Variants in RFX3 observed in about 807,000 individuals in gnomAD.
RFX3 encodes the protein regulatory factor X3.
RFX3 carries 14 observed loss-of-function variants against 98.6 expected under a neutral mutation model. The observed-to-expected ratio is 0.14, with a 90% CI of 0.09 to 0.22. The LOEUF (loss-of-function observed/expected upper bound fraction) is 0.22, where lower values mean the gene tolerates loss of function less well. RFX3 is among the 10% of genes least tolerant of loss of function. The pLI is 1.00. For synonymous variants in RFX3, 383 were observed against 328.4 expected, an observed-to-expected ratio of 1.17 and a Z score of -1.80; for missense variants, 639 against 926.9, an observed-to-expected ratio of 0.69 and a Z score of 4.03.
intron 2 of RFX3, among the ~76,000 whole-genome samples, chr9:3,376,180 C>T (rs1420921448): frequency 6.6e-6 from 1 of 152,038 alleles, no homozygotes; most frequent in Non-Finnish European, 1.5e-5. Flanking sequence ...AAAATATTGG[C>T]AATACCAAGT....
chr9:3,504,495 A>G (rs1268254186), intron 1 of RFX3, among the ~76,000 whole-genome samples: 1 of 126,760 alleles, frequency 7.9e-6, no homozygotes, highest in Non-Finnish European at 1.6e-5. Context: ...TATATATTAT[A>G]TGCCATATGG....
At chr9:3,441,477 A>G (rs183919875) in intron 1 of RFX3, among the ~76,000 whole-genome samples, 2 of 152,156 alleles carry the variant, frequency 1.3e-5, no homozygotes, top group Admixed American at 6.5e-5. Context: ...AAGAACCAAG[A>G]CTCCTTTGAG....
Position 3,219,963 on chromosome 9 carries a change from AG to A in RFX3, c.*5078del, listed in dbSNP as rs1817255927. On this transcript the variant is annotated 3_prime_UTR_variant, in exon 17 of 17. Coordinates refer to ENST00000617270, the MANE Select transcript of RFX3 (RefSeq NM_001282116.2). ...TTTCATGTTCGATCACGCAGGGAACAGAGGGAATCAAGTGCACGAAGAGATT... is the reference window on the plus strand; with the variant it reads ...TTTCATGTTCGATCACGCAGGGAACAAGGGAATCAAGTGCACGAAGAGATT... 6.6e-6 allele frequency: 1 copy of A among 152,210 alleles called. No individual in the cohort carries two copies. The highest frequency in any genetic ancestry group is 2.4e-5 in the African/African-American group (1 of 41,456). 9.4% of individuals were successfully genotyped at this position (152,210 alleles called of 1,614,324 possible).
intron 2 of RFX3, among the ~76,000 whole-genome samples, chr9:3,350,008 A>G (rs906578653): frequency 6.6e-6 from 1 of 152,114 alleles, no homozygotes; most frequent in African/African-American, 2.4e-5. Flanking sequence ...TTTGAGAAAG[A>G]TTGATAATCC....
intron 2 of RFX3, among the ~76,000 whole-genome samples, chr9:3,348,805 G>A (rs757227282): frequency 6.6e-6 from 1 of 151,900 alleles, no homozygotes; most frequent in South Asian, 2.1e-4. Context: ...CCCATTGTTG[G>A]CCAATGGTAG....
At chr9:3,492,709 G>A (rs1587851171) in intron 1 of RFX3, among the ~76,000 whole-genome samples, 1 of 152,186 alleles carries the variant, frequency 6.6e-6, no homozygotes, top group African/African-American at 2.4e-5. Flanking sequence ...GCAGGACACA[G>A]ATGAGGTGAC....
chr9:3,481,372 T>C (rs984404184), intron 1 of RFX3, among the ~76,000 whole-genome samples: 20 of 152,166 alleles, frequency 1.3e-4, no homozygotes, highest in African/African-American at 4.6e-4. Flanking sequence ...CTCACAATCC[T>C]TATTTTTATA....
rs567601428 is a variant in RFX3 at position 3,396,178 on chromosome 9, A to G, written c.-8-582T>C. On this transcript the variant is annotated intron_variant, in intron 1 of 16. Transcript: ENST00000617270. ...AACATTAGGTATATCTCCTAATGCT[A>G]TGCCTCCCCCCTCCCCTCCACCCCA... Among the ~76,000 whole-genome samples, 12 of 151,880 alleles carry G rather than the reference A, an allele frequency of 7.9e-5. No individual in the cohort carries two copies. The South Asian group carries it at 2.5e-3, about 32-fold the overall frequency.
At chr9:3,348,372 T>C (rs903740872) in intron 2 of RFX3, among the ~76,000 whole-genome samples, 1 of 152,086 alleles carries the variant, frequency 6.6e-6, no homozygotes, top group Admixed American at 6.6e-5. Context: ...TGGAGTCATA[T>C]GTTGCCACCT....
intron 1 of RFX3, among the ~76,000 whole-genome samples, chr9:3,515,676 A>G (rs962646387): frequency 1.3e-5 from 2 of 152,240 alleles, no homozygotes; most frequent in African/African-American, 4.8e-5. Context: ...ACTGACAAGC[A>G]AAGAATCTCT....
intron 1 of RFX3, among the ~76,000 whole-genome samples, chr9:3,424,375 T>TG (rs1564082799): frequency 2.3e-5 from 3 of 129,568 alleles, no homozygotes; most frequent in Admixed American, 7.6e-5. Context: ...TTTTTTTTTT[T>TG]TTTTGAGACG....
intron 1 of RFX3, among the ~76,000 whole-genome samples, chr9:3,500,899 A>C (rs1815929652): frequency 6.6e-6 from 1 of 152,198 alleles, no homozygotes; most frequent in South Asian, 2.1e-4. Context: ...TAAAGAATCA[A>C]AGTTCTAAAC....
chr9:3,430,562 T>C (rs930175377), intron 1 of RFX3, among the ~76,000 whole-genome samples: 3 of 152,204 alleles, frequency 2.0e-5, no homozygotes, highest in African/African-American at 7.2e-5. Context: ...TTTTATTTCA[T>C]CACAATGACA....
chr9:3,373,725 G>C (rs1006678344), intron 2 of RFX3, among the ~76,000 whole-genome samples: 1 of 152,180 alleles, frequency 6.6e-6, no homozygotes, highest in Middle Eastern at 3.4e-3. Flanking sequence ...AAAAAGTATA[G>C]GAGGAGGAGA....
intron 1 of RFX3, among the ~76,000 whole-genome samples, chr9:3,413,426 A>G (rs899417627): frequency 3.0e-4 from 46 of 152,228 alleles, no homozygotes; most frequent in African/African-American, 1.1e-3. Flanking sequence ...ACATCATACT[A>G]TAGCTTATGA....
In RFX3 at chr9:3,395,564, C is replaced by A; in HGVS notation, c.25G>T (p.Asp9Tyr). The change falls in exon 2 of 17, where the codon GAC becomes TAC. Residue 9 changes from aspartate to tyrosine, a missense_variant. By Grantham distance (160) the Asp-to-Tyr change is radical. Around this residue, in one of 9 missense-constraint regions of RFX3, gnomAD observed 210 missense variants for 197.7 expected, o/e 1.06. Coordinates refer to ENST00000617270, the MANE Select transcript of RFX3 (RefSeq NM_001282116.2). MQTSETGS[D>Y]TGSTVTLQTS... Reference sequence around the variant, plus strand: ...TGTAAGGTCACTGTCGAGCCTGTGTCCGACCCAGTCTCTGATGTCTGCATG... The same window carrying A: ...TGTAAGGTCACTGTCGAGCCTGTGTACGACCCAGTCTCTGATGTCTGCATG... The A allele has an allele frequency of 6.2e-7, 1 of 1,614,078 alleles. No individual in the cohort carries two copies. Among genetic ancestry groups the A allele is most frequent in the Non-Finnish European group, 8.5e-7 (1 of 1,179,974 alleles).
chr9:3,331,525 C>T (rs1832598843), intron 3 of RFX3, among the ~76,000 whole-genome samples: 1 of 152,146 alleles, frequency 6.6e-6, no homozygotes, highest in Non-Finnish European at 1.5e-5. Context: ...CCTCCTAAAG[C>T]TAGCCATTCC....
chr9:3,429,390 T>C (rs939649132), intron 1 of RFX3, among the ~76,000 whole-genome samples: 3 of 149,516 alleles, frequency 2.0e-5, no homozygotes, highest in African/African-American at 4.9e-5. Flanking sequence ...GTAATCTTAA[T>C]ATATACCAAT....
chr9:3,493,075 C>T (rs751259070), intron 1 of RFX3, among the ~76,000 whole-genome samples: 8 of 152,052 alleles, frequency 5.3e-5, no homozygotes, highest in Admixed American at 4.6e-4. Context: ...TAATAATTTA[C>T]TGAGGGTCCT....
Sources: gnomAD v4.1 joint callset for allele counts (sites outside exome capture counted in the v4.1 genomes callset) on GRCh38, gnomAD v4.1.1 for gene constraint, gnomAD v4.1.1 regional missense constraint, MANE v1.5 for transcripts, NCBI Gene and HGNC (gene_info 2026-07-23, HGNC 2026-07-21) for gene names.